The following ENOX1 variants were observed in gnomAD, a reference collection of about 807,000 sequenced individuals.
ENOX1 encodes the protein candidate growth-related and time keeping constitutive hydroquinone (NADH) oxidase.
ENOX1 carries 42 observed loss-of-function variants against 82.5 expected under a neutral mutation model. That is an observed-to-expected ratio of 0.51 (90% CI 0.40 to 0.66). ENOX1 has a LOEUF of 0.66. ENOX1 is among the 30% of genes least tolerant of loss of function. The pLI, the probability that ENOX1 is intolerant of heterozygous loss-of-function variation, is 0.00. For missense variants in ENOX1, 608 were observed against 811.6 expected (o/e 0.75, Z 3.05); for synonymous variants, 271 against 282.2 (o/e 0.96, Z 0.40).
intron 1 of ENOX1, among the ~76,000 whole-genome samples, chr13:43,785,942 A>C (rs1952571795): frequency 6.6e-6 from 1 of 151,822 alleles, no homozygotes; most frequent in South Asian, 2.1e-4. Context: ...GCCGGCGTCC[A>C]GCGGCCGAGG....
At chr13:43,528,240 C>A (rs1388559123) in intron 2 of ENOX1, among the ~76,000 whole-genome samples, 2 of 152,202 alleles carry the variant, frequency 1.3e-5, no homozygotes, top group East Asian at 3.9e-4. Flanking sequence ...ATAAAGGGTA[C>A]AGAAGCCAAC....
chr13:43,696,759 T>C (rs2086659849), intron 1 of ENOX1, among the ~76,000 whole-genome samples: 1 of 150,336 alleles, frequency 6.7e-6, no homozygotes, highest in Admixed American at 6.7e-5. Flanking sequence ...AAGACGTACG[T>C]AAATAATGAC....
chr13:43,617,843 A>G (rs975409938), intron 2 of ENOX1, among the ~76,000 whole-genome samples: 3 of 152,210 alleles, frequency 2.0e-5, no homozygotes, highest in African/African-American at 7.2e-5. Context: ...TCCCACAAGA[A>G]GTGTAGAAGT....
At chr13:43,481,064 T>C (rs1329128778) in intron 3 of ENOX1, among the ~76,000 whole-genome samples, 1 of 152,150 alleles carries the variant, frequency 6.6e-6, no homozygotes, top group Non-Finnish European at 1.5e-5. Context: ...ATATCCCTGA[T>C]GAATGTAAGT....
chr13:43,590,560 G>T (rs2081196896), intron 2 of ENOX1, among the ~76,000 whole-genome samples: 1 of 151,992 alleles, frequency 6.6e-6, no homozygotes, highest in Non-Finnish European at 1.5e-5. Context: ...AGATCAGGAG[G>T]TCAGGAGATC....
At chr13:43,588,339 C>T (rs1054390130) in intron 2 of ENOX1, among the ~76,000 whole-genome samples, 1 of 152,070 alleles carries the variant, frequency 6.6e-6, no homozygotes, top group African/African-American at 2.4e-5. Context: ...ACTATAAGAT[C>T]AAAAAAGTCA....
intron 9 of ENOX1, among the ~76,000 whole-genome samples, chr13:43,327,595 A>AG (rs1465386418): frequency 3.3e-5 from 5 of 152,256 alleles, no homozygotes; most frequent in Non-Finnish European, 7.3e-5. Context: ...AAGAAGGCTC[A>AG]GTTAAAATTA....
intron 14 of ENOX1, among the ~76,000 whole-genome samples, chr13:43,263,275 C>T (rs769681837): frequency 7.2e-5 from 11 of 152,096 alleles, no homozygotes; most frequent in African/African-American, 1.7e-4. Flanking sequence ...GGTGGCCACC[C>T]GCAGTGACTG....
At chr13:43,390,442 A>G (rs11620136) in intron 5 of ENOX1, among the ~76,000 whole-genome samples, 77,998 of 151,910 alleles carry the variant, frequency 0.51, 24,937 homozygotes, top group Non-Finnish European at 0.73. Context: ...GGCAAGTACA[A>G]GACTGTGTCA....
At chr13:43,255,461 G>A (rs751575325) in intron 14 of ENOX1, among the ~76,000 whole-genome samples, 1 of 152,068 alleles carries the variant, frequency 6.6e-6, no homozygotes, top group Non-Finnish European at 1.5e-5. Context: ...GAAAGAAAGA[G>A]CATCCAAATT....
intron 14 of ENOX1, among the ~76,000 whole-genome samples, chr13:43,237,756 T>C (rs1408729824): frequency 6.6e-6 from 1 of 152,190 alleles, no homozygotes; most frequent in African/African-American, 2.4e-5. Context: ...ACAGGAAGTA[T>C]TGGGAGCATG....
chr13:43,476,581 C>A (rs2058295319), intron 3 of ENOX1, among the ~76,000 whole-genome samples: 1 of 152,100 alleles, frequency 6.6e-6, no homozygotes, highest in South Asian at 2.1e-4. Flanking sequence ...GGAAATAACC[C>A]CTTCTTCCTT....
At chr13:43,598,853 G>A (rs1356864091) in intron 2 of ENOX1, among the ~76,000 whole-genome samples, 2 of 152,102 alleles carry the variant, frequency 1.3e-5, no homozygotes, top group Non-Finnish European at 2.9e-5. Flanking sequence ...CTAAAGGAAA[G>A]AGCAAACTGA....
rs909049407 is a variant in ENOX1 at position 43,228,212 on chromosome 13, T to C, written c.1715-4074A>G. Among the ~76,000 whole-genome samples the C allele has an allele frequency of 2.0e-5, 3 of 149,646 alleles. No homozygotes were observed. In the Admixed American group the frequency reaches 2.0e-4, roughly 10 times the overall value. On this transcript the variant is annotated intron_variant, in intron 15 of 16. Transcript: ENST00000690772. ...TGCCACAAACCTGGAATATGGAGAC[T>C]ATTTTATGGTCCTCTGGAATAGACC... is the stretch of plus-strand genomic sequence containing the variant.
At chr13:43,625,030 A>G (rs577267348) in intron 2 of ENOX1, among the ~76,000 whole-genome samples, 1 of 152,098 alleles carries the variant, frequency 6.6e-6, no homozygotes, top group South Asian at 2.1e-4. Context: ...GTTTACTTAA[A>G]TCCTTTTTAT....
At chr13:43,694,212 AAATT>A (rs2153805539) in intron 1 of ENOX1, among the ~76,000 whole-genome samples, 1 of 76,906 alleles carries the variant, frequency 1.3e-5, no homozygotes, top group East Asian at 3.9e-4. Context: ...AAAATCATGG[AAATT>A]AAACTTAGGG....
Position 43,770,686 on chromosome 13 carries a change from T to TACACACACACAC in ENOX1, c.-285+15954_-285+15965dup, listed in dbSNP as rs149111203. Among the ~76,000 whole-genome samples the TACACACACACAC allele has an allele frequency of 6.8e-4, 100 of 146,242 alleles. 1 individual carries two copies. Among genetic ancestry groups the TACACACACACAC allele is most frequent in the Non-Finnish European group, 1.3e-3 (86 of 65,926 alleles). The stretch of plus-strand genomic sequence containing the variant: ...TATCTGCATATAGTATACGTATGTG[T>TACACACACACAC]ACACACACACACACACACACACACA... On this transcript the variant is annotated intron_variant, in intron 1 of 16. Transcript: ENST00000690772.
chr13:43,522,893 T>C (rs909566613), intron 2 of ENOX1, among the ~76,000 whole-genome samples: 8 of 152,124 alleles, frequency 5.3e-5, no homozygotes, highest in African/African-American at 1.7e-4. Flanking sequence ...TTTTCTCATT[T>C]CACTAAGAAT....
intron 2 of ENOX1, among the ~76,000 whole-genome samples, chr13:43,586,083 T>C (rs543051057): frequency 6.6e-6 from 1 of 152,272 alleles, no homozygotes. Flanking sequence ...CATCCATCTT[T>C]CCTTGTCTCC....
Sources: allele counts gnomAD v4.1 joint callset (sites outside exome capture counted in the v4.1 genomes callset), GRCh38; gene constraint gnomAD v4.1.1; transcripts MANE v1.5; gene names NCBI Gene and HGNC (gene_info 2026-07-23, HGNC 2026-07-21).